The following ATP9B variants were observed in gnomAD, a reference collection of about 807,000 sequenced individuals.
ATP9B encodes ATPase phospholipid transporting 9B.
ATP9B carries 110 observed loss-of-function variants against 146.1 expected under a neutral mutation model. The ratio of observed to expected loss-of-function variants is 0.75; its 90% confidence interval spans 0.65 to 0.88. The LOEUF is 0.88. Among genes scored for constraint, ATP9B ranks in the 40% least tolerant of loss-of-function variants. ATP9B has a pLI of 0.00. For missense variants in ATP9B, 1,499 were observed against 1,496.4 expected, an observed-to-expected ratio of 1.00 and a Z score of -0.03; for synonymous variants, 604 against 569.7, an observed-to-expected ratio of 1.06 and a Z score of -0.86.
At chr18:79,299,092 G>A (rs1036031181) in intron 13 of ATP9B, among the ~76,000 whole-genome samples, 5 of 151,992 alleles carry the variant, frequency 3.3e-5, no homozygotes, top group South Asian at 2.1e-4. Flanking sequence ...CATCCTTCAC[G>A]TAGACCTTGA....
At chr18:79,327,597 C>CTCCGTGGTTAACGTGCT (rs2096759659) in intron 15 of ATP9B, among the ~76,000 whole-genome samples, 1 of 66,174 alleles carries the variant, frequency 1.5e-5, no homozygotes, top group Non-Finnish European at 2.9e-5. Flanking sequence ...GTTAACGTGC[C>CTCCGTGGTTAACGTGCT]CTCCGTGGTT....
chr18:79,160,661 A>G (rs2094864920), intron 7 of ATP9B, among the ~76,000 whole-genome samples: 1 of 152,258 alleles, frequency 6.6e-6, no homozygotes, highest in Non-Finnish European at 1.5e-5. Flanking sequence ...GTGTTTAGAA[A>G]TGTCCACTTT....
chr18:79,222,860 G>T (rs936336127), intron 11 of ATP9B, among the ~76,000 whole-genome samples: 2 of 152,176 alleles, frequency 1.3e-5, no homozygotes, highest in African/African-American at 4.8e-5. Context: ...ATAAAAGCCA[G>T]CCTCAGACAT....
intron 26 of ATP9B, among the ~76,000 whole-genome samples, chr18:79,366,249 G>A (rs2097028034): frequency 1.3e-5 from 2 of 152,198 alleles, no homozygotes; most frequent in Admixed American, 6.5e-5. Context: ...GCGCGGTGGT[G>A]GCGGACACCT....
At chr18:79,144,655 C>A (rs1357312843) in intron 6 of ATP9B, 1 of 152,284 alleles carries the variant, frequency 6.6e-6, no homozygotes, top group African/African-American at 2.4e-5. Context: ...TGCTTTAAAT[C>A]ATCTCTAGTT....
intron 13 of ATP9B, among the ~76,000 whole-genome samples, chr18:79,300,248 G>A (rs1410466884): frequency 1.3e-5 from 2 of 152,196 alleles, no homozygotes; most frequent in South Asian, 2.1e-4. Flanking sequence ...TCCAGAAAGT[G>A]AGGAAAGGTT....
chr18:79,231,803 T>TATATATATATATAC (rs569726473), intron 11 of ATP9B, among the ~76,000 whole-genome samples: 23 of 114,758 alleles, frequency 2.0e-4, no homozygotes, highest in Admixed American at 3.5e-4. Context: ...TATATATATA[T>TATATATATATATAC]ACACACACAC....
chr18:79,349,566 G>T (rs897131871), intron 25 of ATP9B, among the ~76,000 whole-genome samples: 1 of 152,182 alleles, frequency 6.6e-6, no homozygotes, highest in Non-Finnish European at 1.5e-5. Flanking sequence ...TCTAAACACC[G>T]TTTCACTCGA....
intron 4 of ATP9B, among the ~76,000 whole-genome samples, chr18:79,123,875 A>C (rs1057371345): frequency 6.6e-6 from 1 of 152,254 alleles, no homozygotes; most frequent in Non-Finnish European, 1.5e-5. Context: ...CATTTACCCA[A>C]AGAAGATATA....
At chr18:79,313,920 T>TG (rs2096665821) in intron 15 of ATP9B, among the ~76,000 whole-genome samples, 1 of 152,248 alleles carries the variant, frequency 6.6e-6, no homozygotes, top group Non-Finnish European at 1.5e-5. Context: ...GCTCTATTGA[T>TG]GCAATGTTTG....
intron 15 of ATP9B, among the ~76,000 whole-genome samples, chr18:79,327,538 C>CGTGCTCTCCGTGGTTAGT (rs2096757600): frequency 8.2e-6 from 1 of 122,192 alleles, no homozygotes; most frequent in African/African-American, 3.2e-5. Context: ...CCGTGGTTAG[C>CGTGCTCTCCGTGGTTAGT]GTGCTCTCCG....
rs751187194 is a variant in ATP9B, at chr18:79,337,380, C to T, written c.2214C>T (p.Thr738=). ...GGGAGATGGAACTGCTGTGCCTCACCGGCGTGGAGGACCAGCTGCAGGCAG... is the reference window on the plus strand; with the variant it reads ...GGGAGATGGAACTGCTGTGCCTCACTGGCGTGGAGGACCAGCTGCAGGCAG... ...LEREMELLCL[T]GVEDQLQADV... is the part of the protein sequence containing the mutation. Residue 738 remains threonine, a synonymous_variant, in exon 19 of 30, where the codon ACC becomes ACT. Coordinates refer to ENST00000426216, the MANE Select transcript of ATP9B (RefSeq NM_198531.5). 6.8e-6 allele frequency: 11 copies of T among 1,613,910 alleles called. No individual in the cohort carries two copies. Among genetic ancestry groups the T allele is most frequent in the African/African-American group, 4.0e-5 (3 of 74,952 alleles).
Position 79,347,884 on chromosome 18 carries a change from C to T in ATP9B, c.2797C>T (p.Gln933Ter), listed in dbSNP as rs1228772255. The T allele has an allele frequency of 6.2e-7, 1 of 1,613,742 alleles. No individual in the cohort carries two copies. Among genetic ancestry groups the T allele is most frequent in the African/African-American group, 1.3e-5 (1 of 74,894 alleles). Reference sequence around the variant, plus strand: ...CTACAAGAGGTCGGCGGCACTCGGCCAGTTCGTCATGCACAGGGGCCTTAT... The same window carrying T: ...CTACAAGAGGTCGGCGGCACTCGGCTAGTTCGTCATGCACAGGGGCCTTAT... ...NSYKRSAALG[Q>*]FVMHRGLIIS... Residue 933 changes from glutamine to a stop codon, truncating the protein, a stop_gained, in exon 24 of 30, where the codon CAG becomes TAG. Transcript: ENST00000426216. LOFTEE classifies it high-confidence loss of function.
chr18:79,183,792 TAAAA>T (rs56149975), intron 8 of ATP9B, among the ~76,000 whole-genome samples: 1 of 144,012 alleles, frequency 6.9e-6, no homozygotes, highest in African/African-American at 2.5e-5. Flanking sequence ...AGTTTAAAGT[TAAAA>T]AAAAAAAAAG....
Position 79,347,828 on chromosome 18 carries a change from G to A in ATP9B, c.2741G>A (p.Gly914Asp). The stretch of plus-strand genomic sequence containing the variant: ...TCCATCACGCAGTTCCGGCACATAG[G>A]CAGGCTGCTCATGGTGCACGGGCGG... ...DFSITQFRHI[G>D]RLLMVHGRNS... The change falls in exon 24 of 30, where the codon GGC (glycine) becomes GAC (aspartate). Residue 914 changes from glycine to aspartate, a missense_variant. Coordinates refer to ENST00000426216, the MANE Select transcript of ATP9B (RefSeq NM_198531.5). 6.2e-7 allele frequency: 1 copy of A among 1,613,296 alleles called. No homozygotes were observed. Among genetic ancestry groups the A allele is most frequent in the Non-Finnish European group, 8.5e-7 (1 of 1,179,536 alleles).
At chr18:79,076,068 A>G (rs912836593) in intron 1 of ATP9B, among the ~76,000 whole-genome samples, 2 of 152,130 alleles carry the variant, frequency 1.3e-5, no homozygotes, top group Non-Finnish European at 2.9e-5. Context: ...TTATTCTCCC[A>G]TTGGTAATAT....
chr18:79,365,016 C>T (rs992153287), intron 26 of ATP9B, among the ~76,000 whole-genome samples: 6 of 142,778 alleles, frequency 4.2e-5, no homozygotes, highest in Middle Eastern at 3.2e-3. Flanking sequence ...GGTGACAGAG[C>T]GAGACCTTGT....
At chr18:79,221,154 C>T (rs1245427708) in intron 11 of ATP9B, among the ~76,000 whole-genome samples, 2 of 152,194 alleles carry the variant, frequency 1.3e-5, no homozygotes, top group African/African-American at 4.8e-5. Context: ...GCCTTGAGTC[C>T]TTGGTACCTG....
chr18:79,181,059 C>T (rs2095246861), intron 8 of ATP9B, among the ~76,000 whole-genome samples: 1 of 152,016 alleles, frequency 6.6e-6, no homozygotes, highest in South Asian at 2.1e-4. Flanking sequence ...GATCCGCCCA[C>T]CTTGGCCTCC....
Sources: gnomAD v4.1 joint callset for allele counts (sites outside exome capture counted in the v4.1 genomes callset) on GRCh38, gnomAD v4.1.1 for gene constraint, MANE v1.5 for transcripts, NCBI Gene and HGNC (gene_info 2026-07-23, HGNC 2026-07-21) for gene names.